Variants in TBL1X observed in about 807,000 individuals in gnomAD.
TBL1X encodes the protein F-box-like/WD repeat-containing protein TBL1X.
Under a neutral mutation model 50.7 loss-of-function variants are expected in TBL1X, and 10 were observed. The ratio of observed to expected loss-of-function variants is 0.20; its 90% CI spans 0.12 to 0.33. The LOEUF (loss-of-function observed/expected upper bound fraction) is 0.33. Among genes scored for constraint, TBL1X ranks in the 10% least tolerant of loss-of-function variants. TBL1X has a pLI of 1.00. For missense variants in TBL1X, 340 were observed against 504.4 expected (o/e 0.67, Z 3.12); for synonymous variants, 190 against 214.7 (o/e 0.88, Z 1.01).
chrX:9,556,878 C>T (rs2082303620), intron 2 of TBL1X, among the ~76,000 whole-genome samples: 1 of 109,804 alleles, frequency 9.1e-6, no homozygotes, highest in Non-Finnish European at 1.9e-5. Flanking sequence ...GCCCCTTCCT[C>T]CATCTTTAAA....
intron 5 of TBL1X, among the ~76,000 whole-genome samples, chrX:9,681,265 C>T (rs1485515742): frequency 8.9e-6 from 1 of 111,740 alleles, no homozygotes; most frequent in Non-Finnish European, 1.9e-5. Context: ...GAGTCTGTGT[C>T]CATGCAGGGA....
intron 6 of TBL1X, among the ~76,000 whole-genome samples, chrX:9,686,302 T>A (rs191113640): frequency 8.9e-6 from 1 of 112,202 alleles, no homozygotes; most frequent in African/African-American, 3.2e-5. Flanking sequence ...ACCTCTCATC[T>A]GTTGAGAAGC....
intron 1 of TBL1X, among the ~76,000 whole-genome samples, chrX:9,487,332 A>G (rs1401086473): frequency 9.0e-6 from 1 of 111,390 alleles, no homozygotes; most frequent in Non-Finnish European, 1.9e-5. Context: ...CCCCCTGGCA[A>G]CCCTGAATCT....
intron 1 of TBL1X, among the ~76,000 whole-genome samples, chrX:9,492,894 T>G (rs2681636): frequency 0.15 from 3,545 of 24,000 alleles, 313 homozygotes; most frequent in Middle Eastern, 0.27. Context: ...TGTGTGTGTG[T>G]GTGTAGGGGA....
intron 2 of TBL1X, among the ~76,000 whole-genome samples, chrX:9,529,317 C>T (rs1005205111): frequency 9.0e-6 from 1 of 110,844 alleles, no homozygotes; most frequent in Non-Finnish European, 1.9e-5. Flanking sequence ...ACTCTCTTGC[C>T]GGTCCTCTGT....
intron 2 of TBL1X, among the ~76,000 whole-genome samples, chrX:9,537,605 A>ACAGCGTCCT (rs112992443): frequency 1.8e-5 from 2 of 110,408 alleles, no homozygotes; most frequent in Non-Finnish European, 3.8e-5. Context: ...CTGGCTTAGC[A>ACAGCGTCCT]CAAGTTTCAT....
intron 2 of TBL1X, among the ~76,000 whole-genome samples, chrX:9,551,027 C>G (rs761834436): frequency 9.0e-6 from 1 of 110,924 alleles, no homozygotes; most frequent in African/African-American, 3.3e-5. Flanking sequence ...GGAACTGCCT[C>G]GGGGGATGTG....
rs759894013 is a variant in TBL1X, at chrX:9,536,831, T to C, written c.-131+34982T>C. On this transcript the variant is annotated intron_variant, in intron 2 of 17. Transcript: ENST00000645353. Reference sequence around the variant, plus strand: ...AAATTACCCGGAGGTCAAATATTGCTAATTTGACTTTTATCATAGAGACAT... The same window carrying C: ...AAATTACCCGGAGGTCAAATATTGCCAATTTGACTTTTATCATAGAGACAT... 8.1e-5 allele frequency among the ~76,000 whole-genome samples: 9 copies of C among 111,616 alleles called. No homozygotes were observed. In the East Asian group the frequency reaches 2.5e-3, roughly 32 times the overall value.
intron 2 of TBL1X, among the ~76,000 whole-genome samples, chrX:9,615,609 C>T (rs1040164197): frequency 6.2e-5 from 7 of 112,045 alleles, no homozygotes; most frequent in African/African-American, 2.3e-4. Flanking sequence ...TGCTCATTAC[C>T]GATGCTGAGT....
intron 3 of TBL1X, among the ~76,000 whole-genome samples, chrX:9,643,276 A>G (rs1179355807): frequency 2.7e-5 from 3 of 111,110 alleles, no homozygotes. Flanking sequence ...AATGTCCCGC[A>G]GTTCACAGGA....
chrX:9,505,799 A>G (rs1436323463), intron 2 of TBL1X, among the ~76,000 whole-genome samples: 1 of 112,549 alleles, frequency 8.9e-6, no homozygotes, highest in Non-Finnish European at 1.9e-5. Context: ...ACCCAGATTC[A>G]TAAAATAAGT....
chrX:9,543,176 G>C (rs1466547607), intron 2 of TBL1X, among the ~76,000 whole-genome samples: 1 of 111,924 alleles, frequency 8.9e-6, no homozygotes, highest in Non-Finnish European at 1.9e-5. Context: ...CGTGTGCTGG[G>C]ATTCTGGCCG....
chrX:9,688,828 G>A (rs764470195), intron 7 of TBL1X, among the ~76,000 whole-genome samples: 3 of 113,430 alleles, frequency 2.6e-5, no homozygotes, highest in Non-Finnish European at 5.6e-5. Context: ...CTATACACCC[G>A]TAGGGACGCC....
chrX:9,718,907 C>T lies in TBL1X; in HGVS notation c.*2661C>T, dbSNP rs1196734576. ...AGCGCGAGATGCAGCTAGCACCCTT[C>T]ATATCCATCCCCGTTCTCAGCGGGA... On this transcript the variant is annotated 3_prime_UTR_variant, in exon 18 of 18. Transcript: ENST00000645353. 8.9e-6 allele frequency: 1 copy of T among 112,080 alleles called. No individual in the cohort carries two copies. The highest frequency in any genetic ancestry group is 2.8e-4 in the East Asian group (1 of 3,555). The allele number at this position is 112,080 out of a possible 1,213,427, so 9.2% of individuals were successfully genotyped here. A position where few individuals can be genotyped will look rare whatever the true frequency, so the allele number is the denominator to read the frequency against.
Position 9,509,482 on chromosome X carries a change from C to CTTTT in TBL1X, c.-131+7650_-131+7653dup, listed in dbSNP as rs63110360. On this transcript the variant is annotated intron_variant, in intron 2 of 17. Coordinates refer to ENST00000645353, the MANE Select transcript of TBL1X (RefSeq NM_005647.4). ...GCATCATTTTGTATGTACAGAATCG[C>CTTTT]TTTTTTTTTTTTTTTTTTTTGAGTC... is the stretch of plus-strand genomic sequence containing the variant. Among the ~76,000 whole-genome samples the CTTTT allele has an allele frequency of 3.9e-3, 248 of 63,542 alleles. 15 individuals are homozygous for CTTTT. The highest frequency in any genetic ancestry group is 9.5e-3 in the African/African-American group (152 of 15,943). The allele number at this position is 63,542 out of a possible 115,157, so 55.2% of individuals were successfully genotyped here.
intron 2 of TBL1X, among the ~76,000 whole-genome samples, chrX:9,623,419 G>A (rs977723910): frequency 9.0e-6 from 1 of 111,609 alleles, no homozygotes; most frequent in Non-Finnish European, 1.9e-5. Flanking sequence ...TGGCATGGTG[G>A]CTCATGCCTG....
chrX:9,638,743 A>T (rs1443254724), intron 2 of TBL1X, among the ~76,000 whole-genome samples: 1 of 111,760 alleles, frequency 8.9e-6, no homozygotes, highest in East Asian at 2.8e-4. Flanking sequence ...TTTACAAGCA[A>T]TTTGGAACTT....
At chrX:9,713,680 G>A (rs766017553) in intron 16 of TBL1X, among the ~76,000 whole-genome samples, 30 of 110,662 alleles carry the variant, frequency 2.7e-4, no homozygotes, top group African/African-American at 9.9e-4. Flanking sequence ...TACCCACCTC[G>A]GCCTCCCAAA....
chrX:9,713,651 C>G (rs980336341), intron 16 of TBL1X, among the ~76,000 whole-genome samples: 1 of 110,131 alleles, frequency 9.1e-6, no homozygotes, highest in Non-Finnish European at 1.9e-5. Flanking sequence ...TGGTGTTGAA[C>G]TCCTGACCCC....
Sources: gnomAD v4.1 joint callset for allele counts (sites outside exome capture counted in the v4.1 genomes callset) on GRCh38, gnomAD v4.1.1 for gene constraint, MANE v1.5 for transcripts, NCBI Gene and HGNC (gene_info 2026-07-23, HGNC 2026-07-21) for gene names.